EBF3: variants seen among roughly 807,000 people sequenced by gnomAD.
EBF3 encodes the protein EBF transcription factor 3.
Under a neutral mutation model 77.1 loss-of-function variants are expected in EBF3, and 18 were observed. The observed-to-expected ratio is 0.23, with a 90% CI of 0.16 to 0.35. The LOEUF is 0.35. Among genes scored for constraint, EBF3 ranks in the 10% least tolerant of loss-of-function variants. The pLI is 1.00. For synonymous variants in EBF3, 350 were observed against 343.5 expected, an observed-to-expected ratio of 1.02 and a Z score of -0.21; for missense variants, 558 against 860.0, an observed-to-expected ratio of 0.65 and a Z score of 4.39.
At chr10:129,951,262 C>G (rs985600067) in intron 6 of EBF3, among the ~76,000 whole-genome samples, 6 of 152,246 alleles carry the variant, frequency 3.9e-5, no homozygotes, top group Non-Finnish European at 8.8e-5. Flanking sequence ...GTTTGGACGG[C>G]TTTCCATAAA....
intron 6 of EBF3, among the ~76,000 whole-genome samples, chr10:129,937,201 G>A (rs1336929068): frequency 1.3e-5 from 2 of 152,170 alleles, no homozygotes; most frequent in African/African-American, 4.8e-5. Flanking sequence ...ACAACCACAG[G>A]CCGTAGGGGG....
intron 4 of EBF3, among the ~76,000 whole-genome samples, 196 bp from the exon 5 acceptor site, chr10:129,959,203 C>T (rs1859282502): frequency 6.6e-6 from 1 of 152,128 alleles, no homozygotes; most frequent in Non-Finnish European, 1.5e-5. Flanking sequence ...TCTCCCTCCC[C>T]TGCCTCCCAG....
In EBF3 at chr10:129,877,802, T is replaced by C. The variant is rs1852899345; in HGVS notation, c.602A>G (p.Asn201Ser). Reference protein sequence around the residue: ...FLKCNQNCLKNAGNPRDMRRF... With the variant: ...FLKCNQNCLKSAGNPRDMRRF... Reference sequence around the variant, plus strand: ...CCGCATATCTCGAGGGTTGCCTGCATTCTTCAAACAGTTCTGATTGCACTT... The same window carrying C: ...CCGCATATCTCGAGGGTTGCCTGCACTCTTCAAACAGTTCTGATTGCACTT... Residue 201 changes from asparagine (N) to serine (S), a missense_variant, in exon 7 of 17, where the codon AAT (asparagine) becomes AGT (serine). Physicochemically the swap from Asn to Ser is conservative, Grantham distance 46. Around this residue, in one of 5 missense-constraint regions of EBF3, gnomAD observed 14 missense variants for 87.3 expected, o/e 0.16. Transcript: ENST00000440978. 6.2e-7 allele frequency: 1 copy of C among 1,613,886 alleles called. No individual in the cohort carries two copies. The highest frequency in any genetic ancestry group is 8.5e-7 in the Non-Finnish European group (1 of 1,180,002).
Position 129,873,666 on chromosome 10 carries a change from C to T in EBF3, c.637-70G>A, listed in dbSNP as rs566577622. 14 of 1,410,088 alleles carry T rather than the reference C, an allele frequency of 9.9e-6. No individual in the cohort carries two copies. In the African/African-American group the frequency reaches 1.5e-4, roughly 15 times the overall value. The allele number at this position is 1,410,088 out of a possible 1,614,324, so 87.3% of individuals were successfully genotyped here. On this transcript the variant is annotated intron_variant, in intron 7 of 16. Coordinates refer to ENST00000440978, the MANE Select transcript of EBF3 (RefSeq NM_001375380.1). ...GCAGAGCCCCCTGTTAGGCAAAATA[C>T]AAGCCATCTTAAATACTGCAGAGCA...
In EBF3 at chr10:129,877,869, A is replaced by G; in HGVS notation, c.555-20T>C. The G allele has an allele frequency of 6.3e-7, 1 of 1,583,258 alleles. No individual in the cohort carries two copies. The highest frequency in any genetic ancestry group is 8.6e-7 in the Non-Finnish European group (1 of 1,157,782). ...AAGAATCTATAAAAAATACAAAAAG[A>G]TGATATTTATTAGGGTTATCAGACA... is the stretch of plus-strand genomic sequence containing the variant. On this transcript the variant is annotated intron_variant, in intron 6 of 16. Coordinates refer to ENST00000440978, the MANE Select transcript of EBF3 (RefSeq NM_001375380.1).
chr10:129,930,600 ATATATC>A lies in EBF3; in HGVS notation c.554+26652_554+26657del, dbSNP rs532007205. 3.7e-3 allele frequency among the ~76,000 whole-genome samples: 496 copies of A among 135,878 alleles called. 1 individual carries two copies. Among genetic ancestry groups the A allele is most frequent in the Middle Eastern group, 0.011 (2 of 174 alleles). The allele number at this position is 135,878 out of a possible 152,430, so 89.1% of individuals were successfully genotyped here. Reference sequence around the variant, plus strand: ...CTCTATATTAACAAATCCCCCTCTCATATATCTATATCTATATCTGTCTATATCTAT... The same window carrying A: ...CTCTATATTAACAAATCCCCCTCTCATATATCTATATCTGTCTATATCTAT... On this transcript the variant is annotated intron_variant, in intron 6 of 16. Coordinates refer to ENST00000440978, the MANE Select transcript of EBF3 (RefSeq NM_001375380.1).
chr10:129,909,368 C>T (rs1855359540), intron 6 of EBF3, among the ~76,000 whole-genome samples: 1 of 152,232 alleles, frequency 6.6e-6, no homozygotes, highest in African/African-American at 2.4e-5. Flanking sequence ...GCAGACACTA[C>T]AGACTCTTGA....
chr10:129,893,112 C>T (rs1034068767), intron 6 of EBF3, among the ~76,000 whole-genome samples: 10 of 152,216 alleles, frequency 6.6e-5, no homozygotes, highest in South Asian at 4.1e-4. Context: ...CTGAAATGTA[C>T]CAATCCCCGG....
intron 10 of EBF3, among the ~76,000 whole-genome samples, chr10:129,852,603 G>T (rs1850969449): frequency 6.6e-6 from 1 of 152,062 alleles, no homozygotes; most frequent in Non-Finnish European, 1.5e-5. Context: ...ACCCCAAAAT[G>T]TATATGATTA....
chr10:129,880,768 G>A (rs1853149388), intron 6 of EBF3, among the ~76,000 whole-genome samples: 1 of 152,208 alleles, frequency 6.6e-6, no homozygotes, highest in African/African-American at 2.4e-5. Flanking sequence ...AGCCTCAGCA[G>A]AGAGAAAGAA....
intron 6 of EBF3, among the ~76,000 whole-genome samples, chr10:129,945,295 T>C (rs763397180): frequency 6.6e-6 from 1 of 152,210 alleles, no homozygotes; most frequent in Admixed American, 6.5e-5. Context: ...CATCAGTCTG[T>C]ATAGGATTTC....
intron 6 of EBF3, among the ~76,000 whole-genome samples, chr10:129,899,757 T>C (rs1854653461): frequency 6.6e-6 from 1 of 152,206 alleles, no homozygotes; most frequent in Non-Finnish European, 1.5e-5. Flanking sequence ...CAAGTTCCTA[T>C]GCTGGAACCC....
chr10:129,922,914 AC>A (rs1194450088), intron 6 of EBF3, among the ~76,000 whole-genome samples: 1 of 152,132 alleles, frequency 6.6e-6, no homozygotes, highest in African/African-American at 2.4e-5. Flanking sequence ...GGCCCCCCCG[AC>A]CATGTGACCA....
At chr10:129,932,057 CCTT>C (rs965998691) in intron 6 of EBF3, among the ~76,000 whole-genome samples, 22 of 152,198 alleles carry the variant, frequency 1.4e-4, no homozygotes, top group African/African-American at 5.3e-4. Context: ...TCCGCTCTCT[CCTT>C]ATCTCTCCCA....
Position 129,963,134 on chromosome 10 carries a change from G to A in EBF3, c.292-129C>T. 1 of 1,290,902 alleles carries A rather than the reference G, an allele frequency of 7.7e-7. No individual in the cohort carries two copies. The highest frequency in any genetic ancestry group is 1.1e-6 in the Non-Finnish European group (1 of 899,752). The allele number at this position is 1,290,902 out of a possible 1,614,324, so 80.0% of individuals were successfully genotyped here. ...AGGATTCCTAGCTCGAAGCAGCGCG[G>A]TGATGTCACTTTCCTGCTGGAAGCC... On this transcript the variant is annotated intron_variant, in intron 2 of 16. Transcript: ENST00000440978. This position sits in a 1 kb window ranked among gnomAD's most constrained non-coding sequence, Gnocchi z 7.1.
intron 6 of EBF3, among the ~76,000 whole-genome samples, chr10:129,913,093 G>A (rs1262086442): frequency 6.6e-6 from 1 of 152,250 alleles, no homozygotes; most frequent in Non-Finnish European, 1.5e-5. Context: ...GTTTCTTGGA[G>A]GGAAAACGCA....
At chr10:129,899,149 T>A (rs765585933) in intron 6 of EBF3, among the ~76,000 whole-genome samples, 2 of 152,248 alleles carry the variant, frequency 1.3e-5, no homozygotes, top group African/African-American at 2.4e-5. Flanking sequence ...CTCTTCCTCG[T>A]TTAATCTTTT....
At chr10:129,905,571 G>A (rs1240954101) in intron 6 of EBF3, among the ~76,000 whole-genome samples, 1 of 152,176 alleles carries the variant, frequency 6.6e-6, no homozygotes. Flanking sequence ...GTCTCTCCAA[G>A]GACTGACCCT....
rs1859178826 is a variant in EBF3, at chr10:129,958,135, T to C, written c.485+799A>G. Among the ~76,000 whole-genome samples the C allele has an allele frequency of 3.3e-5, 5 of 152,350 alleles. No homozygotes were observed. In the South Asian group the frequency reaches 8.3e-4, roughly 25 times the overall value. On this transcript the variant is annotated intron_variant, in intron 5 of 16. Transcript: ENST00000440978. ...GTTGTAATTTATATTTATTACCTGA[T>C]ATGAGAAAAAGTCAGCTTTTGTATA...
Sources: allele counts gnomAD v4.1 joint callset (sites outside exome capture counted in the v4.1 genomes callset), GRCh38; gene constraint gnomAD v4.1.1; regional missense constraint gnomAD v4.1.1; non-coding constraint Gnocchi (gnomAD v3.1); transcripts MANE v1.5; gene names NCBI Gene and HGNC (gene_info 2026-07-23, HGNC 2026-07-21).